SLC12A3: variants seen among roughly 807,000 people sequenced by gnomAD.
SLC12A3 encodes the protein solute carrier family 12 member 3.
Under a neutral mutation model 121.0 loss-of-function variants are expected in SLC12A3, and 104 were observed. The observed-to-expected ratio is 0.86, with a 90% CI of 0.73 to 1.01. The LOEUF is 1.01. SLC12A3 is among the 50% of genes least tolerant of loss of function. The pLI is 0.00. For missense variants in SLC12A3, 1,328 were observed against 1,356.3 expected (o/e 0.98, Z 0.33); for synonymous variants, 536 against 533.4 (o/e 1.00, Z -0.07).
intron 20 of SLC12A3, 101 bp downstream of exon 20, chr16:56,892,234 G>A: frequency 9.4e-7 from 1 of 1,061,436 alleles, no homozygotes; most frequent in Non-Finnish European, 1.5e-6. Context: ...TTGGGAACTT[G>A]GTCGAGGACA....
At chr16:56,886,243 A>T (rs1239391930) in intron 15 of SLC12A3, 121 bp from the exon 16 acceptor site, 1 of 694,940 alleles carries the variant, frequency 1.4e-6, no homozygotes, top group African/African-American at 1.8e-5. Context: ...CGAGGCCCCA[A>T]GCATGTAGGG....
intron 25 of SLC12A3, among the ~76,000 whole-genome samples, chr16:56,912,074 C>T (rs1021609325): frequency 6.6e-5 from 10 of 152,394 alleles, no homozygotes; most frequent in Middle Eastern, 3.4e-3. Context: ...CATCCTCCTC[C>T]CGCCCCAGTT....
chr16:56,905,835 A>G (rs2144776214), intron 25 of SLC12A3, among the ~76,000 whole-genome samples: 1 of 152,340 alleles, frequency 6.6e-6, no homozygotes, highest in South Asian at 2.1e-4. Context: ...TCATTGATGT[A>G]GACAGATGAT....
chr16:56,872,630 T>C, intron 7 of SLC12A3, 26 bp from the exon 8 acceptor site: 1 of 1,614,160 alleles, frequency 6.2e-7, no homozygotes, highest in Admixed American at 1.7e-5. Context: ...CAGGTGAGCC[T>C]TACTCATCAG....
At position 56,913,919 on chromosome 16, in the gene SLC12A3, ATT is replaced by A. The variant is rs11347677; in HGVS notation, c.*523_*524del. 48 of 151,838 alleles carry A rather than the reference ATT, an allele frequency of 3.2e-4. No homozygotes were observed. The highest frequency in any genetic ancestry group is 1.0e-3 in the African/African-American group (41 of 41,160). 9.4% of individuals were successfully genotyped at this position (151,838 alleles called of 1,614,324 possible). A position where few individuals can be genotyped will look rare whatever the true frequency, so the allele number is the denominator to read the frequency against. On this transcript the variant is annotated 3_prime_UTR_variant, in exon 26 of 26. Transcript: ENST00000563236. ...CAGCCAGGCAAATACATATATATAT[ATT>A]TTTTTTTTAGATGAAGTTTTTTCTC...
chr16:56,907,320 T>G (rs1198109889), intron 25 of SLC12A3, among the ~76,000 whole-genome samples: 3 of 152,136 alleles, frequency 2.0e-5, no homozygotes, highest in Non-Finnish European at 4.4e-5. Context: ...TAGCCAGGCT[T>G]GGTGGTGCAC....
Position 56,867,162 on chromosome 16 carries a change from C to G in SLC12A3, c.375C>G (p.Ser125Arg). Residue 125 changes from serine (S) to arginine (R), a missense_variant, in exon 2 of 26, where the codon AGC (serine) becomes AGG (arginine). Coordinates refer to ENST00000563236, the MANE Select transcript of SLC12A3 (RefSeq NM_001126108.2). The part of the protein sequence containing the change: ...DGLVEGEAGT[S>R]SEKNPEEPVR... Reference sequence around the variant, plus strand: ...TGGTGGAGGGCGAGGCAGGCACCAGCAGCGAGAAGAACCCCGAGGAGCCAG... The same window carrying G: ...TGGTGGAGGGCGAGGCAGGCACCAGGAGCGAGAAGAACCCCGAGGAGCCAG... The G allele has an allele frequency of 2.5e-6, 4 of 1,613,942 alleles. No homozygotes were observed. The highest frequency in any genetic ancestry group is 3.4e-6 in the Non-Finnish European group (4 of 1,179,984).
At chr16:56,865,976 CTTTTCTTTTCTTTTCT>C (rs1462697759) in intron 1 of SLC12A3, among the ~76,000 whole-genome samples, 3 of 105,246 alleles carry the variant, frequency 2.9e-5, no homozygotes, top group Non-Finnish European at 1.7e-5. Context: ...TTTTTCTTTT[CTTTTCTTTTCTTTTCT>C]TTTTTTTTTT....
intron 8 of SLC12A3, among the ~76,000 whole-genome samples, chr16:56,874,507 A>C (rs1208735516): frequency 6.6e-6 from 1 of 152,154 alleles, no homozygotes; most frequent in Non-Finnish European, 1.5e-5. Flanking sequence ...GCAAATTAAG[A>C]GCTGTGCATT....
chr16:56,881,581 G>C (rs1202992869), intron 12 of SLC12A3, among the ~76,000 whole-genome samples: 1 of 152,100 alleles, frequency 6.6e-6, no homozygotes, highest in Admixed American at 6.6e-5. Flanking sequence ...ATCCCCAGAA[G>C]CAGGCCCCGA....
At chr16:56,891,600 T>C (rs2055389586) in intron 19 of SLC12A3, among the ~76,000 whole-genome samples, 1 of 152,142 alleles carries the variant, frequency 6.6e-6, no homozygotes, top group Admixed American at 6.6e-5. Context: ...CTGCTCTTGG[T>C]GCTGGGGTTA....
chr16:56,883,946 C>T (rs2055275364), intron 13 of SLC12A3, 103 bp from the exon 14 acceptor site: 1 of 1,324,506 alleles, frequency 7.5e-7, no homozygotes, highest in Non-Finnish European at 1.1e-6. Flanking sequence ...GGGACCCCGG[C>T]TCTGGGCACT....
rs188179537 is a variant in SLC12A3, at chr16:56,913,180, G to A, written c.2925-84G>A. 11,008 of 1,579,664 alleles carry A rather than the reference G, an allele frequency of 7.0e-3. 75 individuals carry two copies. The highest frequency in any genetic ancestry group is 0.021 in the South Asian group (1,923 of 90,090). On this transcript the variant is annotated intron_variant, in intron 25 of 25. Transcript: ENST00000563236. ...GCTCTGAGGGACGGTAAACAGACTC[G>A]CTGTTCTGAAAACAAACTGGGAGCT...
rs375137925 is a variant in SLC12A3, at chr16:56,885,366, T to C, written c.1925+2T>C. 6.5e-7 allele frequency: 1 copy of C among 1,539,950 alleles called. No homozygotes were observed. On this transcript the variant is annotated splice_donor_variant, in intron 15 of 25. Transcript: ENST00000563236. LOFTEE classifies it high-confidence loss of function. ...GGAAGACCACATCAAGAACTACCGG[T>C]GAGCAGAGCTGCTGGGACCCACCTG...
At chr16:56,888,064 T>C (rs1203431162) in intron 18 of SLC12A3, 33 bp downstream of exon 18, 7 of 1,527,532 alleles carry the variant, frequency 4.6e-6, no homozygotes, top group Non-Finnish European at 6.3e-6. Flanking sequence ...GCTTGGGGTC[T>C]GTTAATTTGG....
chr16:56,901,313 T>TCTGAATGC (rs2055534695), intron 23 of SLC12A3, among the ~76,000 whole-genome samples: 1 of 150,216 alleles, frequency 6.7e-6, no homozygotes, highest in African/African-American at 2.5e-5. Context: ...GATAGCATCA[T>TCTGAATGC]CTGAATGCCA....
chr16:56,871,783 C>T (rs1299629889), intron 6 of SLC12A3, among the ~76,000 whole-genome samples: 3 of 152,044 alleles, frequency 2.0e-5, no homozygotes, highest in Admixed American at 6.6e-5. Flanking sequence ...GGTGCAGAGG[C>T]GTGATCTCGG....
chr16:56,899,670 C>G, intron 23 of SLC12A3, 54 bp downstream of exon 23: 5 of 1,293,306 alleles, frequency 3.9e-6, no homozygotes, highest in Non-Finnish European at 5.6e-6. Flanking sequence ...TGCCTGGAGA[C>G]CCCTCTGCCG....
intron 25 of SLC12A3, among the ~76,000 whole-genome samples, chr16:56,911,590 G>A (rs2055686414): frequency 1.3e-5 from 2 of 152,208 alleles, no homozygotes; most frequent in Admixed American, 1.3e-4. Flanking sequence ...CTCCCAAAGT[G>A]CTGGGATTAC....
Sources: allele counts gnomAD v4.1 joint callset (sites outside exome capture counted in the v4.1 genomes callset), GRCh38; gene constraint gnomAD v4.1.1; transcripts MANE v1.5; gene names NCBI Gene and HGNC (gene_info 2026-07-23, HGNC 2026-07-21).